The following KIF12 variants were observed in gnomAD, a reference collection of about 807,000 sequenced individuals.
KIF12 encodes the protein kinesin family member 12, also known as kinesin-like protein KIF12.
In KIF12, 80 loss-of-function variants were observed where a neutral mutation model predicts 87.9. The ratio of observed to expected loss-of-function variants is 0.91; its 90% CI spans 0.76 to 1.10. The LOEUF (loss-of-function observed/expected upper bound fraction) is 1.10, where lower values mean the gene tolerates loss of function less well. KIF12 is among the 50% of genes least tolerant of loss of function. The pLI, the probability that KIF12 is intolerant of heterozygous loss-of-function variation, is 0.00. For missense variants in KIF12, 819 were observed against 865.3 expected (o/e 0.95, Z 0.67); for synonymous variants, 353 against 348.5 (o/e 1.01, Z -0.14).
At chr9:114,097,996 G>A (rs2134908880) in intron 5 of KIF12, 119 bp downstream of exon 5, 1 of 1,073,888 alleles carries the variant, frequency 9.3e-7, no homozygotes. Flanking sequence ...CTGCAAACAA[G>A]CGGGTCAGGC....
At chr9:114,093,091 G>A in intron 16 of KIF12, 138 bp downstream of exon 16, 2 of 1,108,006 alleles carry the variant, frequency 1.8e-6, no homozygotes, top group Non-Finnish European at 2.6e-6. Flanking sequence ...CCAGGGCAGA[G>A]GGAGCCCTAG....
At chr9:114,092,118 C>T in intron 18 of KIF12, 118 bp from the exon 19 acceptor site, 1 of 1,426,424 alleles carries the variant, frequency 7.0e-7, no homozygotes, top group Non-Finnish European at 9.2e-7. Flanking sequence ...CACCCTTCCC[C>T]CCACCCCACC....
rs761766774 is a variant in KIF12, at chr9:114,095,132, G to A, written c.1015-5C>T. On this transcript the variant is annotated splice_region_variant and splice_polypyrimidine_tract_variant and intron_variant, in intron 10 of 18. Transcript: ENST00000640217. ...TGAGGGGGACACGCAGGCCACCTGG[G>A]GAGTGCACTCCCCCTGAGCGCTCCT... is the stretch of plus-strand genomic sequence containing the variant. 2.5e-6 allele frequency: 4 copies of A among 1,606,234 alleles called. No individual in the cohort carries two copies. The highest frequency in any genetic ancestry group is 2.2e-5 in the East Asian group (1 of 44,794).
Position 114,093,087 on chromosome 9 carries a change from C to A in KIF12, c.1596+142G>T, listed in dbSNP as rs554333738. On this transcript the variant is annotated intron_variant, in intron 16 of 18. Coordinates refer to ENST00000640217, the MANE Select transcript of KIF12 (RefSeq NM_001388308.1). Reference sequence around the variant, plus strand: ...GGCAAACAGCTATTTCAAACCAGGGCAGAGGGAGCCCTAGGCCAGCCATTC... The same window carrying A: ...GGCAAACAGCTATTTCAAACCAGGGAAGAGGGAGCCCTAGGCCAGCCATTC... 1.8e-4 allele frequency: 200 copies of A among 1,103,338 alleles called. 3 individuals are homozygous for A. The South Asian group carries it at 2.8e-3, about 15-fold the overall frequency. The allele number at this position is 1,103,338 out of a possible 1,614,324, so 68.3% of individuals were successfully genotyped here.
At position 114,091,991 on chromosome 9, in the gene KIF12, C is replaced by T. The variant is rs865892100; in HGVS notation, c.1826G>A (p.Gly609Glu). Residue 609 changes from glycine to glutamate, a missense_variant, in exon 19 of 19, where the codon GGG (glycine) becomes GAG (glutamate). Coordinates refer to ENST00000640217, the MANE Select transcript of KIF12 (RefSeq NM_001388308.1). ...KTSPGLRGGA[G>E]VPNLAQRLEA... Reference sequence around the variant, plus strand: ...CAGTCTCTGGGCCAGGTTTGGAACCCCGGCCCCACCTAAGGAGCAGTGAGA... The same window carrying T: ...CAGTCTCTGGGCCAGGTTTGGAACCTCGGCCCCACCTAAGGAGCAGTGAGA... The T allele has an allele frequency of 1.9e-6, 3 of 1,611,370 alleles. No homozygotes were observed. The highest frequency in any genetic ancestry group is 1.7e-6 in the Non-Finnish European group (2 of 1,179,390).
intron 18 of KIF12, 84 bp downstream of exon 18, chr9:114,092,249 G>C (rs1847026556): frequency 6.7e-7 from 1 of 1,485,802 alleles, no homozygotes; most frequent in Non-Finnish European, 9.0e-7. Context: ...CCATTTCAGA[G>C]ATAAGACTGA....
intron 7 of KIF12, 35 bp downstream of exon 7, chr9:114,097,266 C>G (rs1306231827): frequency 6.2e-7 from 1 of 1,600,526 alleles, no homozygotes; most frequent in East Asian, 2.2e-5. Flanking sequence ...GAATGGGCAC[C>G]CCTACCCGCA....
intron 3 of KIF12, 148 bp from the exon 4 acceptor site, chr9:114,098,577 G>GC (rs1847345484): frequency 2.0e-6 from 1 of 508,946 alleles, no homozygotes; most frequent in Non-Finnish European, 3.4e-6. Flanking sequence ...AGGGTAGGGC[G>GC]CTCGGTGAGG....
chr9:114,096,031 CG>C lies in KIF12; in HGVS notation c.895+19del. 6.3e-7 allele frequency: 1 copy of C among 1,594,794 alleles called. No individual in the cohort carries two copies. The highest frequency in any genetic ancestry group is 8.5e-7 in the Non-Finnish European group (1 of 1,171,100). ...ACAGAGGAGAGACAGGAAATCACACCGGTGGCCCCCAGGTCTCACCCAGGGC... is the reference window on the plus strand; with the variant it reads ...ACAGAGGAGAGACAGGAAATCACACCGTGGCCCCCAGGTCTCACCCAGGGC... On this transcript the variant is annotated intron_variant, in intron 9 of 18. Transcript: ENST00000640217.
Sources: gnomAD v4.1 joint callset for allele counts on GRCh38, gnomAD v4.1.1 for gene constraint, MANE v1.5 for transcripts, NCBI Gene and HGNC (gene_info 2026-07-23, HGNC 2026-07-21) for gene names.